Variants in PCBP3 observed in about 807,000 individuals in gnomAD.
PCBP3 encodes poly(rC) binding protein 3.
Under a neutral mutation model 52.7 loss-of-function variants are expected in PCBP3, and 25 were observed. The observed-to-expected ratio is 0.47, with a 90% CI of 0.35 to 0.66. The LOEUF is 0.66. Ranked by LOEUF, PCBP3 falls within the 30% of genes least tolerant of loss-of-function variation. The pLI is 0.01. For missense variants in PCBP3, 391 were observed against 490.3 expected, an observed-to-expected ratio of 0.80 and a Z score of 1.91; for synonymous variants, 162 against 183.0, an observed-to-expected ratio of 0.89 and a Z score of 0.93.
intron 9 of PCBP3, among the ~76,000 whole-genome samples, chr21:45,902,783 G>A (rs963460235): frequency 3.3e-5 from 5 of 152,242 alleles, no homozygotes; most frequent in Admixed American, 1.3e-4. Flanking sequence ...TGGCACAGAC[G>A]CCAGCATGGC....
chr21:45,668,371 A>C (rs1445637433), intron 1 of PCBP3, among the ~76,000 whole-genome samples: 2 of 152,192 alleles, frequency 1.3e-5, no homozygotes, highest in Non-Finnish European at 2.9e-5. Flanking sequence ...AGATACCTCT[A>C]AGGAAAATAC....
chr21:45,747,063 A>C (rs2086959765), intron 3 of PCBP3, among the ~76,000 whole-genome samples: 1 of 152,232 alleles, frequency 6.6e-6, no homozygotes, highest in African/African-American at 2.4e-5. Flanking sequence ...GAGACTGGGT[A>C]ATTTATAAAG....
intron 4 of PCBP3, among the ~76,000 whole-genome samples, chr21:45,777,559 A>T (rs1311917450): frequency 2.0e-5 from 3 of 152,202 alleles, no homozygotes; most frequent in African/African-American, 7.2e-5. Context: ...TATTTAGAAT[A>T]TTCTATCACT....
In PCBP3 at chr21:45,900,703, G is replaced by A. The variant is rs757284789; in HGVS notation, c.222+80G>A. On this transcript the variant is annotated intron_variant, in intron 8 of 17. Transcript: ENST00000681687. ...GTCCCCAGGCTCTGCCCCTGCCGAC[G>A]TCCTGCCTGTGCTCTTGGCCAGCCG... 49 of 1,074,066 alleles carry A rather than the reference G, an allele frequency of 4.6e-5. No individual in the cohort carries two copies. In the East Asian group the frequency reaches 5.5e-4, roughly 12 times the overall value. 66.5% of individuals were successfully genotyped at this position (1,074,066 alleles called of 1,614,324 possible). A position where few individuals can be genotyped will look rare whatever the true frequency, so the allele number is the denominator to read the frequency against.
intron 2 of PCBP3, among the ~76,000 whole-genome samples, chr21:45,673,210 T>C (rs111339179): frequency 0.026 from 3,966 of 152,308 alleles, 187 homozygotes; most frequent in African/African-American, 0.09. Context: ...CTGATTAGAC[T>C]CTTTCTTTGG....
rs1462590521 is a variant in PCBP3, at chr21:45,904,463, CT to C, written c.339+3354del. Among the ~76,000 whole-genome samples, 1 of 152,014 alleles carries C rather than the reference CT, an allele frequency of 6.6e-6. No homozygotes were observed. Among genetic ancestry groups the C allele is most frequent in the African/African-American group, 2.4e-5 (1 of 41,344 alleles). On this transcript the variant is annotated intron_variant, in intron 9 of 17. Coordinates refer to ENST00000681687, the MANE Select transcript of PCBP3 (RefSeq NM_001384156.1). The surrounding 1 kb of genome is among the most constrained non-coding windows in gnomAD (Gnocchi z 4.8). ...AGCTCGAGGGATTTGGAGTTTTCATCTTTTGGTCCTTCGGTTTTTCCAGAAG... is the reference window on the plus strand; with the variant it reads ...AGCTCGAGGGATTTGGAGTTTTCATCTTTGGTCCTTCGGTTTTTCCAGAAG...
At position 45,800,371 on chromosome 21, in the gene PCBP3, G is replaced by T. The variant is rs2092248301; in HGVS notation, c.-126+44919G>T. Among the ~76,000 whole-genome samples, 1 of 152,190 alleles carries T rather than the reference G, an allele frequency of 6.6e-6. No individual in the cohort carries two copies. Among genetic ancestry groups the T allele is most frequent in the Admixed American group, 6.5e-5 (1 of 15,288 alleles). ...GCCAGGCCTTCTGTGAAGTGCAGAT[G>T]ATGTCGCCTTTGTAGACAAAGGAAG... On this transcript the variant is annotated intron_variant, in intron 4 of 17. Coordinates refer to ENST00000681687, the MANE Select transcript of PCBP3 (RefSeq NM_001384156.1). The surrounding 1 kb of genome is among the most constrained non-coding windows in gnomAD (Gnocchi z 5.3).
intron 5 of PCBP3, among the ~76,000 whole-genome samples, chr21:45,867,391 A>C (rs886427566): frequency 2.0e-4 from 30 of 152,308 alleles, no homozygotes; most frequent in Admixed American, 5.9e-4. Flanking sequence ...AGACTTCCCG[A>C]TGGTAGTCAC....
chr21:45,730,617 A>G (rs2085384377), intron 2 of PCBP3, among the ~76,000 whole-genome samples: 1 of 152,148 alleles, frequency 6.6e-6, no homozygotes. Context: ...TTACAAAATC[A>G]GTTATTGAAA....
chr21:45,684,718 G>A (rs1047814310), intron 2 of PCBP3, among the ~76,000 whole-genome samples: 17 of 152,110 alleles, frequency 1.1e-4, no homozygotes, highest in Admixed American at 2.6e-4. Flanking sequence ...TGTACAGCCC[G>A]CAGAGCCATG....
intron 4 of PCBP3, among the ~76,000 whole-genome samples, chr21:45,816,810 CA>C (rs1453829576): frequency 1.3e-5 from 2 of 150,922 alleles, no homozygotes; most frequent in African/African-American, 4.9e-5. Flanking sequence ...AGTAAATACA[CA>C]AACCAGTAAC....
intron 1 of PCBP3, among the ~76,000 whole-genome samples, chr21:45,665,436 G>C (rs1341188402): frequency 6.6e-6 from 1 of 151,908 alleles, no homozygotes. Context: ...ACTGATTTTT[G>C]TTAGTTAATT....
At position 45,805,928 on chromosome 21, in the gene PCBP3, C is replaced by G. The variant is rs1463253641; in HGVS notation, c.-125-44033C>G. ...GGGCCATGAGGGGAAGTCCAGGCCT[C>G]TCCACCCAGGAGTCTGTGAGGTTCC... On this transcript the variant is annotated intron_variant, in intron 4 of 17. Transcript: ENST00000681687. This position sits in a 1 kb window ranked among gnomAD's most constrained non-coding sequence, Gnocchi z 4.6. Among the ~76,000 whole-genome samples, 1 of 152,198 alleles carries G rather than the reference C, an allele frequency of 6.6e-6. No individual in the cohort carries two copies. Among genetic ancestry groups the G allele is most frequent in the African/African-American group, 2.4e-5 (1 of 41,444 alleles).
chr21:45,888,868 A>C (rs1350572493), intron 5 of PCBP3, among the ~76,000 whole-genome samples: 1 of 152,238 alleles, frequency 6.6e-6, no homozygotes, highest in Non-Finnish European at 1.5e-5. Context: ...AACGATTATA[A>C]AGTTTGCACA....
chr21:45,766,507 A>C (rs1167870233), intron 4 of PCBP3, among the ~76,000 whole-genome samples: 1 of 152,214 alleles, frequency 6.6e-6, no homozygotes, highest in Non-Finnish European at 1.5e-5. Flanking sequence ...GAACACCGGC[A>C]CCAGATTCCA....
intron 2 of PCBP3, among the ~76,000 whole-genome samples, chr21:45,705,593 A>G (rs1157150806): frequency 6.6e-6 from 1 of 152,172 alleles, no homozygotes; most frequent in Non-Finnish European, 1.5e-5. Flanking sequence ...ATTGGCAGGG[A>G]AAGTGCCTGT....
chr21:45,784,990 G>A (rs1486157861), intron 4 of PCBP3, among the ~76,000 whole-genome samples: 2 of 151,364 alleles, frequency 1.3e-5, no homozygotes, highest in Non-Finnish European at 2.9e-5. Context: ...GTCTCTGCCC[G>A]GCCGCCATCC....
intron 5 of PCBP3, among the ~76,000 whole-genome samples, chr21:45,851,465 T>C (rs1376750353): frequency 2.0e-5 from 3 of 152,042 alleles, no homozygotes; most frequent in Non-Finnish European, 2.9e-5. Flanking sequence ...TGAGCCAAGA[T>C]TGTGCCCTTG....
chr21:45,923,650 C>A (rs984310139), intron 13 of PCBP3, among the ~76,000 whole-genome samples: 20 of 152,160 alleles, frequency 1.3e-4, no homozygotes. Context: ...CAGTTGGAAG[C>A]CCAGGGGAGA....
Sources: gnomAD v4.1 joint callset for allele counts (sites outside exome capture counted in the v4.1 genomes callset) on GRCh38, gnomAD v4.1.1 for gene constraint, Gnocchi (gnomAD v3.1) non-coding constraint, MANE v1.5 for transcripts, NCBI Gene and HGNC (gene_info 2026-07-23, HGNC 2026-07-21) for gene names.